The following FBXO28 variants were observed in gnomAD, a reference collection of about 807,000 sequenced individuals.
The protein encoded by FBXO28 is F-box protein 28.
A neutral mutation model predicts 38.1 loss-of-function variants in FBXO28; 8 were observed. That is an observed-to-expected ratio of 0.21 (90% confidence interval 0.12 to 0.38). The LOEUF is 0.38. FBXO28 is among the 10% of genes least tolerant of loss of function. The probability of loss-of-function intolerance (pLI) is 1.00; values close to 1 mark genes in which losing one functional copy is unlikely to be tolerated. For missense variants in FBXO28, 345 were observed against 460.6 expected, an observed-to-expected ratio of 0.75 and a Z score of 2.30; for synonymous variants, 168 against 173.8, an observed-to-expected ratio of 0.97 and a Z score of 0.26.
intron 3 of FBXO28, among the ~76,000 whole-genome samples, chr1:224,138,142 C>T (rs895150612): frequency 1.3e-5 from 2 of 151,592 alleles, no homozygotes; most frequent in Non-Finnish European, 2.9e-5. Context: ...GCAGGAGAAT[C>T]ACTTGAACCT....
chr1:224,154,972 C>T (rs1428918714), intron 4 of FBXO28, among the ~76,000 whole-genome samples: 11 of 112,984 alleles, frequency 9.7e-5, no homozygotes, highest in South Asian at 3.4e-4. Context: ...AGTGAGACTC[C>T]GTCTCAAAAA....
chr1:224,139,776 A>G (rs201073286), intron 3 of FBXO28, among the ~76,000 whole-genome samples: 1,705 of 134,272 alleles, frequency 0.013, 20 homozygotes, highest in Non-Finnish European at 0.018. Flanking sequence ...ATACATACAT[A>G]CATACATACA....
chr1:224,135,636 GAAAAA>G, intron 3 of FBXO28, among the ~76,000 whole-genome samples: 1 of 111,830 alleles, frequency 8.9e-6, no homozygotes, highest in East Asian at 2.8e-4. Context: ...AAAAAAAAAA[GAAAAA>G]GAAAAAGAAA....
chr1:224,124,579 T>G (rs1656861935), intron 1 of FBXO28, among the ~76,000 whole-genome samples: 1 of 152,212 alleles, frequency 6.6e-6, no homozygotes, highest in Non-Finnish European at 1.5e-5. Context: ...AGAGCTACAC[T>G]TTAAATGAGA....
chr1:224,155,516 T>A (rs558826709), intron 4 of FBXO28, among the ~76,000 whole-genome samples: 1 of 152,362 alleles, frequency 6.6e-6, no homozygotes, highest in East Asian at 1.9e-4. Flanking sequence ...TATCACTTCA[T>A]CTGTGCTAAA....
intron 3 of FBXO28, among the ~76,000 whole-genome samples, chr1:224,143,751 G>A (rs1282408807): frequency 6.7e-6 from 1 of 149,090 alleles, no homozygotes; most frequent in Non-Finnish European, 1.5e-5. Flanking sequence ...CAGGAGAATA[G>A]CATGAACCCG....
At position 224,114,219 on chromosome 1, in the gene FBXO28, G is replaced by A. The variant is rs1199259265; in HGVS notation, c.90G>A (p.Gln30=). 5.2e-6 allele frequency: 8 copies of A among 1,550,384 alleles called. No individual in the cohort carries two copies. Among genetic ancestry groups the A allele is most frequent in the Non-Finnish European group, 6.1e-6 (7 of 1,147,374 alleles). The change falls in exon 1 of 5, where the codon CAG becomes CAA. Residue 30 remains glutamine (Q), a synonymous_variant. Transcript: ENST00000366862. ...GGSSLASGST[Q]RQPPPPAPQH... Reference sequence around the variant, plus strand: ...CCTCTTTGGCCTCCGGCTCTACCCAGCGACAGCCTCCACCGCCCGCGCCAC... The same window carrying A: ...CCTCTTTGGCCTCCGGCTCTACCCAACGACAGCCTCCACCGCCCGCGCCAC...
intron 1 of FBXO28, among the ~76,000 whole-genome samples, chr1:224,118,462 C>A (rs7511895): frequency 0.41 from 62,326 of 151,942 alleles, 12,984 homozygotes; most frequent in East Asian, 0.57. Flanking sequence ...TGGTTCAGAA[C>A]ATGAATTTGA....
At chr1:224,119,096 T>G (rs979354823) in intron 1 of FBXO28, among the ~76,000 whole-genome samples, 1 of 151,876 alleles carries the variant, frequency 6.6e-6, no homozygotes, top group African/African-American at 2.4e-5. Context: ...TATTGCTCTA[T>G]TCCAGAGAAT....
At chr1:224,149,441 T>C (rs1657588603) in intron 3 of FBXO28, among the ~76,000 whole-genome samples, 1 of 152,118 alleles carries the variant, frequency 6.6e-6, no homozygotes, top group Non-Finnish European at 1.5e-5. Context: ...TCTTCCCACC[T>C]CGGCCTCCCA....
At chr1:224,130,192 A>G (rs1305575662) in intron 1 of FBXO28, among the ~76,000 whole-genome samples, 1 of 151,800 alleles carries the variant, frequency 6.6e-6, no homozygotes, top group East Asian at 1.9e-4. Context: ...AAATACAAAA[A>G]TTAGCCAGGC....
intron 3 of FBXO28, among the ~76,000 whole-genome samples, chr1:224,141,402 C>T (rs1229691475): frequency 2.7e-5 from 4 of 149,522 alleles, no homozygotes; most frequent in Admixed American, 6.8e-5. Context: ...ACCCGGGAGG[C>T]GGAGCTTGCA....
chr1:224,114,499 G>A (rs1656597320), intron 1 of FBXO28, 103 bp downstream of exon 1: 2 of 1,017,844 alleles, frequency 2.0e-6, no homozygotes, highest in South Asian at 1.7e-5. Context: ...GCGAGCCCCA[G>A]CCGGCTACAG....
At chr1:224,140,565 A>G (rs1657319431) in intron 3 of FBXO28, among the ~76,000 whole-genome samples, 1 of 152,162 alleles carries the variant, frequency 6.6e-6, no homozygotes, top group South Asian at 2.1e-4. Flanking sequence ...AGTTGGGAAC[A>G]TTTCTCCTTT....
Position 224,160,883 on chromosome 1 carries a change from T to C in FBXO28, c.*3137T>C, listed in dbSNP as rs570079146. On this transcript the variant is annotated 3_prime_UTR_variant, in exon 5 of 5. Coordinates refer to ENST00000366862, the MANE Select transcript of FBXO28 (RefSeq NM_015176.4). ...AAGGTGGGTAAAACAGTATAAGTAA[T>C]GCCTAAATTAATAAGCTAAAAGGTG... The C allele has an allele frequency of 9.8e-5, 15 of 152,316 alleles. No homozygotes were observed. The highest frequency in any genetic ancestry group is 3.6e-4 in the African/African-American group (15 of 41,578). The allele number at this position is 152,316 out of a possible 1,614,324, so 9.4% of individuals were successfully genotyped here.
chr1:224,130,398 A>T, intron 1 of FBXO28, 74 bp from the exon 2 acceptor site: 1 of 948,200 alleles, frequency 1.1e-6, no homozygotes, highest in Non-Finnish European at 1.7e-6. Context: ...AGAGAGCTTT[A>T]AGCCATCAGT....
At chr1:224,152,573 T>C (rs1392902814) in intron 3 of FBXO28, among the ~76,000 whole-genome samples, 1 of 152,172 alleles carries the variant, frequency 6.6e-6, no homozygotes, top group Non-Finnish European at 1.5e-5. Flanking sequence ...ATTTTATTCA[T>C]CCTGATTCCT....
chr1:224,116,729 T>TA (rs1656651659), intron 1 of FBXO28, among the ~76,000 whole-genome samples: 1 of 152,202 alleles, frequency 6.6e-6, no homozygotes, highest in African/African-American at 2.4e-5. Context: ...TCCATGTACT[T>TA]ACTACTCTGC....
chr1:224,135,067 G>T (rs555335879), intron 3 of FBXO28, among the ~76,000 whole-genome samples: 1 of 152,076 alleles, frequency 6.6e-6, no homozygotes, highest in Non-Finnish European at 1.5e-5. Context: ...TCTTATGATT[G>T]TATTTGAAAT....
Sources: gnomAD v4.1 joint callset for allele counts (sites outside exome capture counted in the v4.1 genomes callset) on GRCh38, gnomAD v4.1.1 for gene constraint, MANE v1.5 for transcripts, NCBI Gene and HGNC (gene_info 2026-07-23, HGNC 2026-07-21) for gene names.